Variants in ACAP2 observed in about 807,000 individuals in gnomAD.
ACAP2 encodes the protein ArfGAP with coiled-coil, ankyrin repeat and PH domains 2, also known as arf-GAP with coiled-coil, ANK repeat and PH domain-containing protein 2.
A neutral mutation model predicts 115.8 loss-of-function variants in ACAP2; 39 were observed. That is an observed-to-expected ratio of 0.34 (90% CI 0.26 to 0.44). The LOEUF (loss-of-function observed/expected upper bound fraction) is 0.44, where lower values mean the gene tolerates loss of function less well. Ranked by LOEUF, ACAP2 falls within the 20% of genes least tolerant of loss-of-function variation. ACAP2 has a pLI of 1.00. For missense variants in ACAP2, 662 were observed against 927.6 expected (o/e 0.71, Z 3.72); for synonymous variants, 289 against 315.8 (o/e 0.92, Z 0.90).
chr3:195,435,267 C>CG (rs1553874134), intron 1 of ACAP2, among the ~76,000 whole-genome samples: 1 of 150,532 alleles, frequency 6.6e-6, no homozygotes, highest in Non-Finnish European at 1.5e-5. Context: ...CTCTGCCCCC[C>CG]GGGTTCAAGT....
At chr3:195,350,205 A>G (rs916659820) in intron 4 of ACAP2, among the ~76,000 whole-genome samples, 17 of 152,234 alleles carry the variant, frequency 1.1e-4, no homozygotes, top group African/African-American at 4.1e-4. Context: ...AAATCTCAGT[A>G]GAAACTGAAA....
intron 4 of ACAP2, among the ~76,000 whole-genome samples, chr3:195,369,180 AT>A (rs1160946778): frequency 6.6e-6 from 1 of 152,224 alleles, no homozygotes; most frequent in East Asian, 1.9e-4. Flanking sequence ...ATTCAAAAAC[AT>A]TTTTTTAAAT....
chr3:195,289,000 G>A (rs1727054626), intron 21 of ACAP2, 121 bp downstream of exon 21: 2 of 652,104 alleles, frequency 3.1e-6, no homozygotes, highest in East Asian at 5.6e-5. Context: ...TTTTATATAA[G>A]GGACATGAGC....
chr3:195,356,083 A>G (rs1731943229), intron 4 of ACAP2: 4 of 456,558 alleles, frequency 8.8e-6, no homozygotes, highest in South Asian at 6.2e-5. Flanking sequence ...TATTGCTGAA[A>G]GAGGCAGTGA....
At chr3:195,432,676 T>C (rs1208418729) in intron 1 of ACAP2, among the ~76,000 whole-genome samples, 1 of 152,272 alleles carries the variant, frequency 6.6e-6, no homozygotes, top group Non-Finnish European at 1.5e-5. Flanking sequence ...GGGTTACTTA[T>C]ATTTCCACAT....
At chr3:195,290,893 G>T (rs1432838816) in intron 20 of ACAP2, among the ~76,000 whole-genome samples, 1 of 149,848 alleles carries the variant, frequency 6.7e-6, no homozygotes, top group Non-Finnish European at 1.5e-5. Context: ...AGACACAGTG[G>T]CTCACACCTA....
chr3:195,421,579 G>A (rs1714194510), intron 1 of ACAP2, among the ~76,000 whole-genome samples: 1 of 152,182 alleles, frequency 6.6e-6, no homozygotes, highest in Non-Finnish European at 1.5e-5. Flanking sequence ...ATGCATTAGT[G>A]CTGTAGTCAT....
At chr3:195,320,100 G>C (rs913425523) in intron 10 of ACAP2, among the ~76,000 whole-genome samples, 4 of 152,132 alleles carry the variant, frequency 2.6e-5, no homozygotes, top group African/African-American at 9.7e-5. Flanking sequence ...CGAAGAAGAT[G>C]CCTGCTTTCC....
chr3:195,416,594 CA>C (rs1362725413), intron 1 of ACAP2, among the ~76,000 whole-genome samples: 1 of 151,724 alleles, frequency 6.6e-6, no homozygotes, highest in Non-Finnish European at 1.5e-5. Flanking sequence ...CACATGTGCA[CA>C]AAGATACATG....
intron 1 of ACAP2, among the ~76,000 whole-genome samples, chr3:195,401,193 AG>A (rs1244498256): frequency 1.3e-5 from 2 of 152,208 alleles, no homozygotes; most frequent in African/African-American, 4.8e-5. Context: ...TCAGCCTTGC[AG>A]GGTTCTCTCC....
chr3:195,295,293 A>G, intron 17 of ACAP2: 1 of 1,292,672 alleles, frequency 7.7e-7, no homozygotes, highest in Non-Finnish European at 1.0e-6. Context: ...CGCTATTTAC[A>G]GCAATCACTG....
chr3:195,425,562 G>A (rs1714621972), intron 1 of ACAP2, among the ~76,000 whole-genome samples: 1 of 152,086 alleles, frequency 6.6e-6, no homozygotes, highest in South Asian at 2.1e-4. Flanking sequence ...ATATAGGATG[G>A]GATCACATCA....
Position 195,382,034 on chromosome 3 carries a change from A to G in ACAP2, c.112-12T>C, listed in dbSNP as rs746651315. 2.5e-6 allele frequency: 4 copies of G among 1,601,444 alleles called. No individual in the cohort carries two copies. The highest frequency in any genetic ancestry group is 3.4e-6 in the Non-Finnish European group (4 of 1,176,210). ...CAAAGTTTCACAAGCTGAAAAAGAA[A>G]AAAAAAATTCATCAGGTTGAAGATA... On this transcript the variant is annotated splice_polypyrimidine_tract_variant and intron_variant, in intron 2 of 22. Coordinates refer to ENST00000326793, the MANE Select transcript of ACAP2 (RefSeq NM_012287.6).
intron 1 of ACAP2, among the ~76,000 whole-genome samples, chr3:195,408,810 A>C (rs1170876427): frequency 1.3e-5 from 2 of 152,224 alleles, no homozygotes; most frequent in African/African-American, 4.8e-5. Context: ...AAGAAAAAAC[A>C]ATGTACTATA....
chr3:195,380,374 A>C (rs1016952578), intron 4 of ACAP2, among the ~76,000 whole-genome samples: 1 of 152,244 alleles, frequency 6.6e-6, no homozygotes, highest in Admixed American at 6.5e-5. Context: ...ATTTTAAAGC[A>C]CTGATTAAAT....
chr3:195,301,570 T>C lies in ACAP2; in HGVS notation c.1395+5A>G. 1 of 1,598,978 alleles carries C rather than the reference T, an allele frequency of 6.3e-7. No homozygotes were observed. Among genetic ancestry groups the C allele is most frequent in the Non-Finnish European group, 8.5e-7 (1 of 1,175,018 alleles). On this transcript the variant is annotated splice_donor_5th_base_variant and intron_variant, in intron 15 of 22. Transcript: ENST00000326793. ...GAAATATTTTAAAGCAAAAATTTTTTTTACCTTTAAAAGTTCTGGCTCCCA... is the reference window on the plus strand; with the variant it reads ...GAAATATTTTAAAGCAAAAATTTTTCTTACCTTTAAAAGTTCTGGCTCCCA...
chr3:195,279,889 T>C (rs900468129), intron 22 of ACAP2: 1 of 152,370 alleles, frequency 6.6e-6, no homozygotes, highest in Admixed American at 6.5e-5. Context: ...GACAAACTGA[T>C]AATCAGATAG....
At chr3:195,306,107 T>G (rs1728403140) in intron 13 of ACAP2, among the ~76,000 whole-genome samples, 2 of 152,102 alleles carry the variant, frequency 1.3e-5, no homozygotes, top group African/African-American at 4.8e-5. Flanking sequence ...AGTTCCCACA[T>G]TCACCTTATA....
At chr3:195,303,904 G>A (rs1276574796) in intron 13 of ACAP2, among the ~76,000 whole-genome samples, 1 of 152,152 alleles carries the variant, frequency 6.6e-6, no homozygotes, top group Non-Finnish European at 1.5e-5. Context: ...GCTCATGCCT[G>A]TAATCTCAGC....
Sources: allele counts gnomAD v4.1 joint callset (sites outside exome capture counted in the v4.1 genomes callset), GRCh38; gene constraint gnomAD v4.1.1; transcripts MANE v1.5; gene names NCBI Gene and HGNC (gene_info 2026-07-23, HGNC 2026-07-21).